The following SNAP91 variants were observed in gnomAD, a reference collection of about 807,000 sequenced individuals.
SNAP91 encodes synaptosome associated protein 91.
In SNAP91, 27 loss-of-function variants were observed where a neutral mutation model predicts 100.3. The ratio of observed to expected loss-of-function variants is 0.27; its 90% CI spans 0.20 to 0.37. The LOEUF (loss-of-function observed/expected upper bound fraction) is 0.37. Ranked by LOEUF, SNAP91 falls within the 10% of genes least tolerant of loss-of-function variation. The pLI, the probability that SNAP91 is intolerant of heterozygous loss-of-function variation, is 1.00. For synonymous variants in SNAP91, 404 were observed against 398.6 expected, an observed-to-expected ratio of 1.01 and a Z score of -0.16; for missense variants, 986 against 1,123.7, an observed-to-expected ratio of 0.88 and a Z score of 1.75.
intron 16 of SNAP91, among the ~76,000 whole-genome samples, chr6:83,598,911 G>A (rs1390106575): frequency 6.6e-6 from 1 of 152,116 alleles, no homozygotes; most frequent in Non-Finnish European, 1.5e-5. Context: ...GAAGCCAGGA[G>A]ACAATTTATA....
At chr6:83,684,609 A>G (rs1197651670) in intron 2 of SNAP91, among the ~76,000 whole-genome samples, 3 of 152,168 alleles carry the variant, frequency 2.0e-5, no homozygotes, top group East Asian at 1.9e-4. Flanking sequence ...ATTTATTCAC[A>G]TATCTGTGCA....
rs368880593 is a variant in SNAP91, at chr6:83,676,022, G to C, written c.131-10441C>G. On this transcript the variant is annotated intron_variant, in intron 2 of 29. Transcript: ENST00000369694. ...AGCTGCTGGGAGGCTGAGGTGGGAA[G>C]ATCACTTGAGCCCAGTAATTCAAGG... Among the ~76,000 whole-genome samples the C allele has an allele frequency of 2.7e-5, 4 of 150,850 alleles. No homozygotes were observed. The East Asian group carries it at 5.9e-4, about 22-fold the overall frequency.
At chr6:83,665,611 T>C (rs1208387557) in intron 2 of SNAP91, 30 bp from the exon 3 acceptor site, 1 of 1,588,902 alleles carries the variant, frequency 6.3e-7, no homozygotes, top group East Asian at 2.2e-5. Context: ...TAATCAATGA[T>C]ATTAACAATT....
At chr6:83,562,463 T>C (rs1328916301) in intron 26 of SNAP91, among the ~76,000 whole-genome samples, 1 of 152,250 alleles carries the variant, frequency 6.6e-6, no homozygotes, top group Non-Finnish European at 1.5e-5. Context: ...ATTTATGTTA[T>C]CTCAGCATCT....
rs1562571017 is a variant in SNAP91, at chr6:83,665,419, G to T, written c.273+20C>A. 6.2e-7 allele frequency: 1 copy of T among 1,602,054 alleles called. No homozygotes were observed. On this transcript the variant is annotated intron_variant, in intron 3 of 29. Coordinates refer to ENST00000369694, the MANE Select transcript of SNAP91 (RefSeq NM_001242792.2). ...AAGCCTCCTTCCTCCATCAAAAAAA[G>T]AAAAGTTTACTTAGTTTACCTCATT...
intron 2 of SNAP91, among the ~76,000 whole-genome samples, chr6:83,705,870 A>G (rs752262243): frequency 4.6e-5 from 7 of 151,610 alleles, no homozygotes; most frequent in Non-Finnish European, 8.8e-5. Context: ...GTGATGAAAG[A>G]TTAATAATAT....
intron 26 of SNAP91, among the ~76,000 whole-genome samples, chr6:83,574,107 G>T (rs929718974): frequency 1.3e-4 from 20 of 152,110 alleles, no homozygotes; most frequent in Non-Finnish European, 1.0e-4. Flanking sequence ...TGATGATTAA[G>T]AATTATTTCA....
At chr6:83,646,564 G>A (rs2097923397) in intron 7 of SNAP91, among the ~76,000 whole-genome samples, 2 of 152,088 alleles carry the variant, frequency 1.3e-5, no homozygotes, top group South Asian at 4.1e-4. Flanking sequence ...TGATCTATTT[G>A]TCTATTCTTT....
At chr6:83,598,954 T>C (rs1179944150) in intron 16 of SNAP91, among the ~76,000 whole-genome samples, 1 of 152,198 alleles carries the variant, frequency 6.6e-6, no homozygotes, top group Non-Finnish European at 1.5e-5. Context: ...AATTATGATG[T>C]GATTTTCAGA....
chr6:83,616,806 C>T (rs1261039772), intron 10 of SNAP91, among the ~76,000 whole-genome samples, 163 bp downstream of exon 10: 1 of 152,016 alleles, frequency 6.6e-6, no homozygotes, highest in Admixed American at 6.6e-5. Context: ...TACCCACTGT[C>T]ATAAGTTAAT....
chr6:83,653,390 T>C (rs990059891), intron 7 of SNAP91, among the ~76,000 whole-genome samples: 2 of 152,192 alleles, frequency 1.3e-5, no homozygotes, highest in Non-Finnish European at 2.9e-5. Flanking sequence ...ATCTGTAAGC[T>C]TAAAGATTGT....
intron 6 of SNAP91, 75 bp downstream of exon 6, chr6:83,658,924 G>T: frequency 9.0e-7 from 1 of 1,107,766 alleles, no homozygotes; most frequent in South Asian, 1.4e-5. Flanking sequence ...GAAATCTTTG[G>T]ATTTACCTGT....
At chr6:83,616,114 A>G (rs1018400672) in intron 10 of SNAP91, among the ~76,000 whole-genome samples, 1 of 149,790 alleles carries the variant, frequency 6.7e-6, no homozygotes, top group Non-Finnish European at 1.5e-5. Context: ...TCATACATGT[A>G]AAAAAAGAAA....
intron 7 of SNAP91, among the ~76,000 whole-genome samples, chr6:83,648,381 G>T (rs560139170): frequency 4.1e-5 from 6 of 147,470 alleles, no homozygotes; most frequent in Non-Finnish European, 6.0e-5. Context: ...TTTCTTTATG[G>T]TTTTTTTTTT....
At chr6:83,641,730 G>A (rs1176931932) in intron 7 of SNAP91, among the ~76,000 whole-genome samples, 3 of 152,136 alleles carry the variant, frequency 2.0e-5, no homozygotes, top group Admixed American at 6.5e-5. Flanking sequence ...ACATCATGAT[G>A]TGGCTTTTAT....
chr6:83,682,100 G>C (rs2098997083), intron 2 of SNAP91, among the ~76,000 whole-genome samples: 1 of 151,298 alleles, frequency 6.6e-6, no homozygotes. Context: ...CCTTCCTAAG[G>C]CCACACCATA....
intron 11 of SNAP91, chr6:83,611,397 T>A (rs1481385752): frequency 2.2e-6 from 1 of 454,940 alleles, no homozygotes; most frequent in Non-Finnish European, 4.4e-6. Flanking sequence ...GCAGATCACT[T>A]CTAGGAAAGT....
chr6:83,701,623 A>G (rs2099311800), intron 2 of SNAP91, among the ~76,000 whole-genome samples: 1 of 151,924 alleles, frequency 6.6e-6, no homozygotes, highest in Non-Finnish European at 1.5e-5. Flanking sequence ...ACTTTTTTGT[A>G]TTTTTAGTAG....
At chr6:83,560,752 T>C (rs1452057894) in intron 27 of SNAP91, 112 bp downstream of exon 27, 1 of 907,172 alleles carries the variant, frequency 1.1e-6, no homozygotes, top group African/African-American at 1.7e-5. Flanking sequence ...TTTTAAGTTT[T>C]ACTTACTGTG....
Sources: allele counts gnomAD v4.1 joint callset (sites outside exome capture counted in the v4.1 genomes callset), GRCh38; gene constraint gnomAD v4.1.1; transcripts MANE v1.5; gene names NCBI Gene and HGNC (gene_info 2026-07-23, HGNC 2026-07-21).